Variants in RAB27B observed in about 807,000 individuals in gnomAD.
RAB27B encodes the protein ras-related protein Rab-27B.
A neutral mutation model predicts 24.6 loss-of-function variants in RAB27B; 15 were observed. The observed-to-expected ratio is 0.61, with a 90% CI of 0.41 to 0.94. The LOEUF (loss-of-function observed/expected upper bound fraction) is 0.94, where lower values mean the gene tolerates loss of function less well. Ranked by LOEUF, RAB27B falls within the 40% of genes least tolerant of loss-of-function variation. The probability of loss-of-function intolerance (pLI) is 0.00; values close to 1 mark genes in which losing one functional copy is unlikely to be tolerated. For missense variants in RAB27B, 261 were observed against 266.8 expected, an observed-to-expected ratio of 0.98 and a Z score of 0.15; for synonymous variants, 105 against 92.5, an observed-to-expected ratio of 1.14 and a Z score of -0.78.
rs560134040 is a variant in RAB27B at position 54,804,354 on chromosome 18, T to C, written c.-19-73213T>C. Among the ~76,000 whole-genome samples the C allele has an allele frequency of 3.9e-5, 6 of 152,274 alleles. No individual in the cohort carries two copies. In the East Asian group the frequency reaches 1.2e-3, roughly 29 times the overall value. ...GAATCATGGGGACCAATCTTTCCCATGCTATTCTTGTGATAAGTTTTGTGA... is the reference window on the plus strand; with the variant it reads ...GAATCATGGGGACCAATCTTTCCCACGCTATTCTTGTGATAAGTTTTGTGA... On this transcript the variant is annotated intron_variant, in intron 2 of 4. Coordinates refer to the RAB27B transcript ENST00000586570.
intron 2 of RAB27B, among the ~76,000 whole-genome samples, chr18:54,774,602 C>T (rs1484943260): frequency 6.6e-6 from 1 of 152,176 alleles, no homozygotes; most frequent in Non-Finnish European, 1.5e-5. Context: ...ATGATTGATG[C>T]TTATTGCATT....
chr18:54,754,323 A>G (rs993045679), intron 2 of RAB27B, among the ~76,000 whole-genome samples: 3 of 142,858 alleles, frequency 2.1e-5, no homozygotes, highest in Admixed American at 7.0e-5. Context: ...CTCCCCAGCC[A>G]TGGCTAACTG....
rs77884282 is a variant in RAB27B, at chr18:54,831,332, A to T, written c.-20+2632A>T. Among the ~76,000 whole-genome samples, 23 of 152,246 alleles carry T rather than the reference A, an allele frequency of 1.5e-4. No individual in the cohort carries two copies. The East Asian group carries it at 4.0e-3, about 27-fold the overall frequency. On this transcript the variant is annotated intron_variant, in intron 1 of 5. Transcript: ENST00000262094. ...TCTTTCAGGAACAGCAAAGAAGCCCATGAACCTGGCACAGAGGGAGTGAGA... is the reference window on the plus strand; with the variant it reads ...TCTTTCAGGAACAGCAAAGAAGCCCTTGAACCTGGCACAGAGGGAGTGAGA...
At chr18:54,724,659 C>T (rs976959712) in intron 2 of RAB27B, among the ~76,000 whole-genome samples, 1 of 151,398 alleles carries the variant, frequency 6.6e-6, no homozygotes, top group Non-Finnish European at 1.5e-5. Context: ...GAGATCACAC[C>T]GCTGCATTCT....
intron 2 of RAB27B, among the ~76,000 whole-genome samples, chr18:54,758,458 C>A (rs1311493453): frequency 2.0e-4 from 30 of 151,784 alleles, no homozygotes; most frequent in Admixed American, 2.0e-3. Flanking sequence ...GAGAAATACC[C>A]AAAGTGTGTT....
At chr18:54,867,442 C>CTTTTTTTTTTTTTTTTTTTT (rs548288719) in intron 1 of RAB27B, among the ~76,000 whole-genome samples, 16 of 98,784 alleles carry the variant, frequency 1.6e-4, no homozygotes, top group East Asian at 3.0e-4. Context: ...CTTTTCTTTT[C>CTTTTTTTTTTTTTTTTTTTT]TTTTTTTTTT....
chr18:54,728,903 C>CAAAAA (rs58878407), intron 2 of RAB27B, among the ~76,000 whole-genome samples: 10 of 68,266 alleles, frequency 1.5e-4, no homozygotes, highest in East Asian at 4.8e-4. Flanking sequence ...AAAAAAAACC[C>CAAAAA]AAAAAAAAAA....
Position 54,891,588 on chromosome 18 carries a change from T to C in RAB27B, c.*2175T>C, listed in dbSNP as rs1913372490. 1 of 152,150 alleles carries C rather than the reference T, an allele frequency of 6.6e-6. No individual in the cohort carries two copies. Among genetic ancestry groups the C allele is most frequent in the Non-Finnish European group, 1.5e-5 (1 of 68,012 alleles). The allele number at this position is 152,150 out of a possible 1,614,324, so 9.4% of individuals were successfully genotyped here. A position where few individuals can be genotyped will look rare whatever the true frequency, so the allele number is the denominator to read the frequency against. On this transcript the variant is annotated 3_prime_UTR_variant, in exon 6 of 6. Coordinates refer to ENST00000262094, the MANE Select transcript of RAB27B (RefSeq NM_004163.4). ...TTTTCTTTGGATTCAAATTGTAATG[T>C]CCCCTGCATTTCCTTAATAGGGAAT...
rs139983875 is a variant in RAB27B, at chr18:54,815,854, C to A, written c.-19-61713C>A. On this transcript the variant is annotated intron_variant, in intron 2 of 4. Coordinates refer to the RAB27B transcript ENST00000586570. The stretch of plus-strand genomic sequence containing the variant: ...GGTCAGGCTGGTCTCGAACTCCTGA[C>A]CTCAAGTGATCCACCCACCTCGGCC... Among the ~76,000 whole-genome samples the A allele has an allele frequency of 5.7e-3, 874 of 152,170 alleles. 2 individuals carry two copies. The highest frequency in any genetic ancestry group is 8.3e-3 in the Non-Finnish European group (563 of 67,990).
upstream of RAB27B, among the ~76,000 whole-genome samples, chr18:54,825,717 C>A (rs1598933856): frequency 1.3e-5 from 2 of 152,132 alleles, no homozygotes; most frequent in South Asian, 2.1e-4. Flanking sequence ...AGAAAATAAA[C>A]CTCCAGTCTC....
At chr18:54,876,104 C>G (rs181233341) in intron 1 of RAB27B, among the ~76,000 whole-genome samples, 1 of 152,096 alleles carries the variant, frequency 6.6e-6, no homozygotes, top group Non-Finnish European at 1.5e-5. Flanking sequence ...GAAGGGAAAG[C>G]TAGGCACCTT....
At chr18:54,786,063 CTCT>C (rs986332409) in intron 2 of RAB27B, among the ~76,000 whole-genome samples, 4 of 152,214 alleles carry the variant, frequency 2.6e-5, no homozygotes, top group South Asian at 4.1e-4. Flanking sequence ...TTTCTACTTT[CTCT>C]TCTTCTTCTT....
In RAB27B at chr18:54,874,802, A is replaced by T. The variant is rs548155561; in HGVS notation, c.-19-2765A>T. ...CTTTTTTCTGAAAATTAACAGTTTCATCCAATTCTACTAGTGAAATGACAA... is the reference window on the plus strand; with the variant it reads ...CTTTTTTCTGAAAATTAACAGTTTCTTCCAATTCTACTAGTGAAATGACAA... On this transcript the variant is annotated intron_variant, in intron 1 of 5. Coordinates refer to ENST00000262094, the MANE Select transcript of RAB27B (RefSeq NM_004163.4). 2.6e-5 allele frequency among the ~76,000 whole-genome samples: 4 copies of T among 152,316 alleles called. No homozygotes were observed. The South Asian group carries it at 8.3e-4, about 32-fold the overall frequency.
chr18:54,861,008 G>T (rs1568102137), intron 1 of RAB27B, among the ~76,000 whole-genome samples: 1 of 152,154 alleles, frequency 6.6e-6, no homozygotes, highest in African/African-American at 2.4e-5. Context: ...ATTTAAGTGA[G>T]AAATTTTTAA....
At chr18:54,807,742 T>A (rs1468223373) in intron 2 of RAB27B, among the ~76,000 whole-genome samples, 1 of 152,236 alleles carries the variant, frequency 6.6e-6, no homozygotes, top group African/African-American at 2.4e-5. Context: ...ATGCCCTTGA[T>A]CTACACTTGA....
At chr18:54,851,700 T>C (rs1209001416) in intron 1 of RAB27B, among the ~76,000 whole-genome samples, 1 of 152,104 alleles carries the variant, frequency 6.6e-6, no homozygotes, top group African/African-American at 2.4e-5. Context: ...TTTTTCTGCA[T>C]TGGAATCATC....
chr18:54,757,489 A>G (rs11872177), intron 2 of RAB27B, among the ~76,000 whole-genome samples: 8,451 of 152,240 alleles, frequency 0.056, 301 homozygotes, highest in Admixed American at 0.085. Context: ...AATAGTAACA[A>G]AGATGGTGTG....
At chr18:54,776,591 A>G (rs143162023) in intron 2 of RAB27B, among the ~76,000 whole-genome samples, 95 of 152,200 alleles carry the variant, frequency 6.2e-4, no homozygotes, top group Non-Finnish European at 1.1e-3. Flanking sequence ...GGGTGCTGCC[A>G]TGATACCCTG....
chr18:54,729,608 A>C (rs185251906), intron 2 of RAB27B, among the ~76,000 whole-genome samples: 1 of 152,320 alleles, frequency 6.6e-6, no homozygotes. Flanking sequence ...TGTTAAGACA[A>C]GTGTGTTATA....
Sources: gnomAD v4.1 joint callset for allele counts (sites outside exome capture counted in the v4.1 genomes callset) on GRCh38, gnomAD v4.1.1 for gene constraint, MANE v1.5 for transcripts, NCBI Gene and HGNC (gene_info 2026-07-23, HGNC 2026-07-21) for gene names.